The following CBR4 variants were observed in gnomAD, a reference collection of about 807,000 sequenced individuals.
CBR4 encodes carbonyl reductase 4.
In CBR4, 22 loss-of-function variants were observed where a neutral mutation model predicts 21.0. The ratio of observed to expected loss-of-function variants is 1.05; its 90% CI spans 0.75 to 1.50. The LOEUF is 1.50. Among genes scored for constraint, CBR4 ranks in the 40% most tolerant of loss-of-function variants. The pLI is 0.00. For missense variants in CBR4, 302 were observed against 286.3 expected, an observed-to-expected ratio of 1.05 and a Z score of -0.40; for synonymous variants, 100 against 104.4, an observed-to-expected ratio of 0.96 and a Z score of 0.26.
At chr4:168,996,356 T>G (rs942049183) in intron 4 of CBR4, among the ~76,000 whole-genome samples, 1 of 152,126 alleles carries the variant, frequency 6.6e-6, no homozygotes, top group African/African-American at 2.4e-5. Context: ...ATTTTAGGTT[T>G]ACAGAAAAAT....
intron 2 of CBR4, among the ~76,000 whole-genome samples, chr4:168,940,743 G>A (rs1763240854): frequency 6.6e-6 from 1 of 152,156 alleles, no homozygotes; most frequent in African/African-American, 2.4e-5. Context: ...GATATCTCAT[G>A]CCAGTTAAAA....
Position 168,915,967 on chromosome 4 carries a change from C to T in CBR4, n.170-21202G>A. Reference sequence around the variant, plus strand: ...AGGAGCGATTCTTCAGACCTCACTTCTTGCAGGCTCCTGGAGATCTGACTG... The same window carrying T: ...AGGAGCGATTCTTCAGACCTCACTTTTTGCAGGCTCCTGGAGATCTGACTG... On this transcript the variant is annotated intron_variant and non_coding_transcript_variant, in intron 2 of 3. Transcript: ENST00000509108. 6.2e-7 allele frequency: 1 copy of T among 1,613,480 alleles called. No homozygotes were observed. The highest frequency in any genetic ancestry group is 8.5e-7 in the Non-Finnish European group (1 of 1,179,382).
At chr4:168,943,496 G>A (rs1248229051) in intron 2 of CBR4, among the ~76,000 whole-genome samples, 1 of 152,202 alleles carries the variant, frequency 6.6e-6, no homozygotes, top group Non-Finnish European at 1.5e-5. Context: ...TTGGTAAGTT[G>A]AGCAGAGCTC....
intron 2 of CBR4, among the ~76,000 whole-genome samples, chr4:168,944,366 T>C (rs1460775124): frequency 6.6e-6 from 1 of 152,032 alleles, no homozygotes; most frequent in Non-Finnish European, 1.5e-5. Flanking sequence ...TAGTCCCAGC[T>C]ATTCAGGAGG....
chr4:168,903,510 A>G (rs982839158), intron 2 of CBR4, among the ~76,000 whole-genome samples: 5 of 152,208 alleles, frequency 3.3e-5, no homozygotes, highest in Non-Finnish European at 7.3e-5. Flanking sequence ...TATAAATAAT[A>G]TATGAATGTA....
At chr4:168,972,554 G>A (rs1451271515) in intron 2 of CBR4, among the ~76,000 whole-genome samples, 1 of 152,074 alleles carries the variant, frequency 6.6e-6, no homozygotes, top group Non-Finnish European at 1.5e-5. Context: ...TGTAAAAGGG[G>A]TTAAGTTCTT....
chr4:168,898,540 G>A lies in CBR4; in HGVS notation n.170-3775C>T, dbSNP rs376867553. ...AACAGAGACTCATCAGTGAAATAGA[G>A]TACAGGCTAGAAAGGTCTCCTGTGG... On this transcript the variant is annotated intron_variant and non_coding_transcript_variant, in intron 2 of 3. Coordinates refer to the CBR4 transcript ENST00000509108. The A allele has an allele frequency of 1.9e-6, 3 of 1,613,780 alleles. No individual in the cohort carries two copies. Among genetic ancestry groups the A allele is most frequent in the Non-Finnish European group, 2.5e-6 (3 of 1,179,758 alleles).
chr4:168,903,690 T>C (rs1757028568), intron 2 of CBR4: 4 of 1,331,470 alleles, frequency 3.0e-6, no homozygotes, highest in Admixed American at 1.7e-5. Context: ...CTGTTACTAT[T>C]TTCAGTTCTC....
intron 2 of CBR4, among the ~76,000 whole-genome samples, chr4:168,935,918 G>A (rs1215914224): frequency 6.6e-6 from 1 of 152,200 alleles, no homozygotes; most frequent in Non-Finnish European, 1.5e-5. Flanking sequence ...TCTGCTAAGG[G>A]ACAGACTGCC....
chr4:168,998,655 T>C (rs1018073596), intron 4 of CBR4, among the ~76,000 whole-genome samples: 3 of 152,156 alleles, frequency 2.0e-5, no homozygotes, highest in Non-Finnish European at 2.9e-5. Flanking sequence ...GACTGAATTG[T>C]AAACTTTAAA....
chr4:168,977,956 T>C (rs1324417268), intron 2 of CBR4, among the ~76,000 whole-genome samples: 6 of 152,132 alleles, frequency 3.9e-5, no homozygotes, highest in Admixed American at 2.0e-4. Flanking sequence ...AACATGGGTA[T>C]TGCTGCACTG....
chr4:168,996,729 C>A (rs1765221951), intron 4 of CBR4, among the ~76,000 whole-genome samples: 5 of 152,010 alleles, frequency 3.3e-5, no homozygotes. Context: ...ATGTATCTGT[C>A]CCCACTTTAT....
At chr4:168,904,383 T>C (rs1757182064) in intron 2 of CBR4, 1 of 161,792 alleles carries the variant, frequency 6.2e-6, no homozygotes, top group Non-Finnish European at 1.4e-5. Context: ...ATGATAATTT[T>C]GATAGCATTC....
At chr4:168,924,482 T>C in intron 2 of CBR4, 1 of 1,408,772 alleles carries the variant, frequency 7.1e-7, no homozygotes, top group Non-Finnish European at 1.0e-6. Context: ...TATCAAAAGA[T>C]ACATTTTATA....
intron 2 of CBR4, among the ~76,000 whole-genome samples, chr4:168,917,236 G>A (rs867480010): frequency 3.3e-5 from 5 of 151,656 alleles, no homozygotes; most frequent in Middle Eastern, 3.4e-3. Flanking sequence ...CTTTAGTACA[G>A]ACGGGGTTTC....
intron 2 of CBR4, among the ~76,000 whole-genome samples, chr4:168,936,765 C>A (rs756982469): frequency 6.6e-6 from 1 of 152,086 alleles, no homozygotes; most frequent in Non-Finnish European, 1.5e-5. Flanking sequence ...AACAAAGCCT[C>A]CAAGAATTAG....
intron 2 of CBR4, among the ~76,000 whole-genome samples, chr4:168,900,248 C>G (rs531258524): frequency 6.6e-6 from 1 of 152,164 alleles, no homozygotes; most frequent in African/African-American, 2.4e-5. Flanking sequence ...CACTGGGAGT[C>G]CCATTTCAGC....
chr4:168,966,817 G>C (rs1764052492), intron 2 of CBR4, among the ~76,000 whole-genome samples: 1 of 152,070 alleles, frequency 6.6e-6, no homozygotes, highest in African/African-American at 2.4e-5. Context: ...AGGAGATCAA[G>C]ACCATCCTGG....
intron 2 of CBR4, among the ~76,000 whole-genome samples, chr4:168,920,971 T>G (rs1033051368): frequency 6.6e-6 from 1 of 152,168 alleles, no homozygotes; most frequent in Non-Finnish European, 1.5e-5. Context: ...GGTAAGACCA[T>G]GACAGCAATT....
Sources: allele counts gnomAD v4.1 joint callset (sites outside exome capture counted in the v4.1 genomes callset), GRCh38; gene constraint gnomAD v4.1.1; transcripts MANE v1.5; gene names NCBI Gene and HGNC (gene_info 2026-07-23, HGNC 2026-07-21).